ZC3H7B: variants seen among roughly 807,000 people sequenced by gnomAD.
ZC3H7B encodes zinc finger CCCH domain-containing protein 7B.
In ZC3H7B, 35 loss-of-function variants were observed where a neutral mutation model predicts 116.0. That is an observed-to-expected ratio of 0.30 (90% CI 0.23 to 0.40). The LOEUF (loss-of-function observed/expected upper bound fraction) is 0.40, where lower values mean the gene tolerates loss of function less well. Among genes scored for constraint, ZC3H7B ranks in the 10% least tolerant of loss-of-function variants. The probability of loss-of-function intolerance (pLI) is 1.00; values close to 1 mark genes in which losing one functional copy is unlikely to be tolerated. For synonymous variants in ZC3H7B, 502 were observed against 545.6 expected, an observed-to-expected ratio of 0.92 and a Z score of 1.11; for missense variants, 1,011 against 1,321.5, an observed-to-expected ratio of 0.77 and a Z score of 3.64.
Position 41,327,327 on chromosome 22 carries a change from A to G in ZC3H7B, c.407A>G (p.Tyr136Cys). Residue 136 changes from tyrosine (Y) to cysteine (C), a missense_variant, in exon 5 of 23, where the codon TAC (tyrosine) becomes TGC (cysteine). Physicochemically the swap from Tyr to Cys is radical, Grantham distance 194. Coordinates refer to ENST00000352645, the MANE Select transcript of ZC3H7B (RefSeq NM_017590.6). The surrounding 1 kb of genome is among the most constrained non-coding windows in gnomAD (Gnocchi z 4.5). ...LNELGRHKEAYECSSRCSLAL... is the reference protein window; with the variant it reads ...LNELGRHKEACECSSRCSLAL... Reference sequence around the variant, plus strand: ...GAACTGGGACGCCACAAGGAGGCCTACGAGTGCAGCAGCCGGTGTTCCCTC... The same window carrying G: ...GAACTGGGACGCCACAAGGAGGCCTGCGAGTGCAGCAGCCGGTGTTCCCTC... 1 of 1,613,284 alleles carries G rather than the reference A, an allele frequency of 6.2e-7. No homozygotes were observed. Among genetic ancestry groups the G allele is most frequent in the Non-Finnish European group, 8.5e-7 (1 of 1,180,040 alleles).
rs1002705135 is a variant in ZC3H7B at position 41,325,855 on chromosome 22, G to A, written c.222G>A (p.Val74=). Residue 74 remains valine, a synonymous_variant, in exon 4 of 23, where the codon GTG becomes GTA. Transcript: ENST00000352645. ...CCGACTACGCTGCCTCTGACCAGGTGGCCCTGCCCCGGGAGCTGCTGTGCA... is the reference window on the plus strand; with the variant it reads ...CCGACTACGCTGCCTCTGACCAGGTAGCCCTGCCCCGGGAGCTGCTGTGCA... ...NVADYAASDQ[V]ALPRELLCKL... 1.2e-6 allele frequency: 2 copies of A among 1,612,590 alleles called. No homozygotes were observed. Among genetic ancestry groups the A allele is most frequent in the African/African-American group, 1.3e-5 (1 of 75,006 alleles).
At chr22:41,314,625 T>C (rs1468922395) in intron 1 of ZC3H7B, among the ~76,000 whole-genome samples, 3 of 149,734 alleles carry the variant, frequency 2.0e-5, no homozygotes, top group African/African-American at 7.4e-5. Flanking sequence ...TATTTTATTT[T>C]TTGAGACGGA....
chr22:41,330,458 CT>C (rs959843819), intron 6 of ZC3H7B, among the ~76,000 whole-genome samples: 4 of 152,218 alleles, frequency 2.6e-5, no homozygotes, highest in African/African-American at 9.7e-5. Flanking sequence ...ATCTGTTTGG[CT>C]GGTTCAGTTC....
At chr22:41,307,073 A>G (rs1985005986) in intron 1 of ZC3H7B, among the ~76,000 whole-genome samples, 1 of 150,488 alleles carries the variant, frequency 6.6e-6, no homozygotes, top group Non-Finnish European at 1.5e-5. Flanking sequence ...TCCCGGGTTC[A>G]AGCAATTCTC....
chr22:41,341,921 G>A (rs912044116), intron 11 of ZC3H7B, among the ~76,000 whole-genome samples: 5 of 152,080 alleles, frequency 3.3e-5, no homozygotes, highest in Admixed American at 6.6e-5. Flanking sequence ...AATTAGCTGG[G>A]TGTAGTGGCG....
intron 2 of ZC3H7B, among the ~76,000 whole-genome samples, chr22:41,321,071 C>T (rs991065499): frequency 6.6e-6 from 1 of 152,158 alleles, no homozygotes; most frequent in African/African-American, 2.4e-5. Flanking sequence ...GGGACCTTCA[C>T]ATCTGTGTCT....
chr22:41,314,269 G>C (rs1181347193), intron 1 of ZC3H7B, among the ~76,000 whole-genome samples: 1 of 151,674 alleles, frequency 6.6e-6, no homozygotes, highest in Non-Finnish European at 1.5e-5. Context: ...CAATTCTCCT[G>C]CCTCAGCCTC....
Position 41,327,895 on chromosome 22 carries a change from G to A in ZC3H7B, c.444+531G>A, listed in dbSNP as rs985293162. Among the ~76,000 whole-genome samples the A allele has an allele frequency of 2.6e-5, 4 of 152,156 alleles. No individual in the cohort carries two copies. The stretch of plus-strand genomic sequence containing the variant: ...TCCCAGCACTGTGGGAGGCCAAGGC[G>A]GGAGGATCACTTGAGCTCAGGAGTT... On this transcript the variant is annotated intron_variant, in intron 5 of 22. Coordinates refer to ENST00000352645, the MANE Select transcript of ZC3H7B (RefSeq NM_017590.6). This position sits in a 1 kb window ranked among gnomAD's most constrained non-coding sequence, Gnocchi z 4.5.
Position 41,357,521 on chromosome 22 carries a change from TG to T in ZC3H7B, c.*98del. Reference sequence around the variant, plus strand: ...GAAGGGTCAGGGCAGGCCAGGGGGGTGGGGGGCCGCCCTCATCAGGCAGCCC... The same window carrying T: ...GAAGGGTCAGGGCAGGCCAGGGGGGTGGGGGCCGCCCTCATCAGGCAGCCC... On this transcript the variant is annotated 3_prime_UTR_variant, in exon 23 of 23. Coordinates refer to ENST00000352645, the MANE Select transcript of ZC3H7B (RefSeq NM_017590.6). This position sits in a 1 kb window ranked among gnomAD's most constrained non-coding sequence, Gnocchi z 5.4. 2.5e-6 allele frequency: 1 copy of T among 400,508 alleles called. No homozygotes were observed. Among genetic ancestry groups the T allele is most frequent in the Non-Finnish European group, 4.3e-6 (1 of 234,986 alleles). The allele number at this position is 400,508 out of a possible 1,614,324, so 24.8% of individuals were successfully genotyped here.
intron 1 of ZC3H7B, among the ~76,000 whole-genome samples, chr22:41,319,640 A>G (rs2036229785): frequency 6.6e-6 from 1 of 150,474 alleles, no homozygotes; most frequent in African/African-American, 2.4e-5. Context: ...CTGTCACTCT[A>G]TCTTATTATT....
At chr22:41,339,767 TG>T in intron 9 of ZC3H7B, 48 bp from the exon 10 acceptor site, 1 of 1,528,340 alleles carries the variant, frequency 6.5e-7, no homozygotes. Context: ...TGCCCAGGCC[TG>T]GGCAGTCCTG....
chr22:41,340,269 T>C (rs2036504705), intron 10 of ZC3H7B, 132 bp downstream of exon 10: 1 of 977,668 alleles, frequency 1.0e-6, no homozygotes, highest in Non-Finnish European at 1.5e-6. Flanking sequence ...TCCCAGGCCA[T>C]GTCTGTGTGT....
At chr22:41,348,569 A>AT (rs1403308344) in intron 15 of ZC3H7B, among the ~76,000 whole-genome samples, 5 of 152,146 alleles carry the variant, frequency 3.3e-5, no homozygotes, top group African/African-American at 9.7e-5. Flanking sequence ...CAGTGAGGGG[A>AT]GGCCTGGGTC....
Position 41,339,112 on chromosome 22 carries a change from TC to T in ZC3H7B, c.741del (p.Ser248AlafsTer44). On this transcript the variant is annotated frameshift_variant, in exon 9 of 23. Transcript: ENST00000352645. LOFTEE classifies it high-confidence loss of function. ...LLAPLDSSRT[L>X]PSTDSLDDFS... is the part of the protein sequence containing the mutation. ...GCCCCCCTGGACAGCAGCAGGACCC[TC>T]CCCAGCACCGACAGCCTGGATGACT... 6.2e-7 allele frequency: 1 copy of T among 1,612,442 alleles called. No homozygotes were observed. The highest frequency in any genetic ancestry group is 8.5e-7 in the Non-Finnish European group (1 of 1,179,350).
chr22:41,315,352 G>GTTTTTTTTT (rs34182958), intron 1 of ZC3H7B, among the ~76,000 whole-genome samples: 1 of 118,884 alleles, frequency 8.4e-6, no homozygotes, highest in Non-Finnish European at 1.7e-5. Context: ...AATTTCTAGT[G>GTTTTTTTTT]TTTTTTTTTT....
Position 41,313,182 on chromosome 22 carries a change from G to A in ZC3H7B, c.-6-7473G>A, listed in dbSNP as rs1025329659. ...CGCCCAGGCTGGAGTGCAGTGGCGC[G>A]ATATCAGCTCACTACAACCTCCGCC... On this transcript the variant is annotated intron_variant, in intron 1 of 22. Coordinates refer to ENST00000352645, the MANE Select transcript of ZC3H7B (RefSeq NM_017590.6). 2.3e-5 allele frequency among the ~76,000 whole-genome samples: 3 copies of A among 132,740 alleles called. No individual in the cohort carries two copies. The South Asian group carries it at 7.7e-4, about 34-fold the overall frequency. 87.1% of individuals were successfully genotyped at this position (132,740 alleles called of 152,430 possible). A position where few individuals can be genotyped will look rare whatever the true frequency, so the allele number is the denominator to read the frequency against.
intron 4 of ZC3H7B, among the ~76,000 whole-genome samples, chr22:41,326,341 C>T (rs888223800): frequency 1.2e-4 from 18 of 151,784 alleles, no homozygotes; most frequent in Non-Finnish European, 1.9e-4. Flanking sequence ...TAGCCTCAGC[C>T]TCCTCACTGT....
chr22:41,332,978 G>A (rs2145922014), intron 7 of ZC3H7B: 1 of 152,438 alleles, frequency 6.6e-6, no homozygotes, highest in Non-Finnish European at 1.5e-5. Flanking sequence ...GGTGAGGCAG[G>A]GCCTGGCACA....
At chr22:41,336,220 C>T (rs571969965) in intron 7 of ZC3H7B, 1 of 152,410 alleles carries the variant, frequency 6.6e-6, no homozygotes, top group East Asian at 1.9e-4. Context: ...GCCCAACTTC[C>T]AGAAACTGTG....
Sources: gnomAD v4.1 joint callset for allele counts (sites outside exome capture counted in the v4.1 genomes callset) on GRCh38, gnomAD v4.1.1 for gene constraint, Gnocchi (gnomAD v3.1) non-coding constraint, MANE v1.5 for transcripts, NCBI Gene and HGNC (gene_info 2026-07-23, HGNC 2026-07-21) for gene names.